Variants in CFAP210 observed in about 807,000 individuals in gnomAD.
The protein encoded by CFAP210 is cilia and flagella associated protein 210.
At chr2:169,688,114 C>G in the CFAP210 span, among the ~76,000 whole-genome samples, 1 of 152,192 alleles carries the variant, frequency 6.6e-6, no homozygotes, top group Non-Finnish European at 1.5e-5. Flanking sequence ...GCACAGGGAC[C>G]CTGGTCCTGG....
At chr2:169,694,135 A>G in the CFAP210 span, 7 of 865,926 alleles carry the variant, frequency 8.1e-6, no homozygotes, top group Middle Eastern at 2.2e-4. Context: ...CTTATTGAGG[A>G]TGCTTTCGAC....
At chr2:169,666,720 G>A in the CFAP210 span, among the ~76,000 whole-genome samples, 3 of 151,996 alleles carry the variant, frequency 2.0e-5, no homozygotes, top group South Asian at 2.1e-4. Flanking sequence ...TAATGCTGTT[G>A]GATGGCATTT....
the CFAP210 span, among the ~76,000 whole-genome samples, chr2:169,686,381 CA>C: frequency 6.6e-6 from 1 of 152,002 alleles, no homozygotes; most frequent in African/African-American, 2.4e-5. Flanking sequence ...ATGTGTAGAT[CA>C]ATTTGGGAAG....
At chr2:169,689,792 G>T in the CFAP210 span, among the ~76,000 whole-genome samples, 7 of 152,144 alleles carry the variant, frequency 4.6e-5, no homozygotes, top group South Asian at 1.2e-3. Context: ...CCAGTTTGTT[G>T]TTTTTATCAT....
At chr2:169,690,856 C>A in the CFAP210 span, among the ~76,000 whole-genome samples, 1 of 152,204 alleles carries the variant, frequency 6.6e-6, no homozygotes, top group Admixed American at 6.5e-5. Context: ...ACAGTTTGAT[C>A]ATGATGTGTA....
chr2:169,674,704 C>A, the CFAP210 span: 37 of 1,608,360 alleles, frequency 2.3e-5, no homozygotes, highest in East Asian at 8.3e-4. Context: ...CTGATTTTAT[C>A]TTACTCTTTC....
the CFAP210 span, chr2:169,658,056 T>G: frequency 6.6e-6 from 1 of 152,182 alleles, no homozygotes; most frequent in African/African-American, 2.4e-5. Context: ...CAAAGGTGTA[T>G]TATAGCAAGA....
chr2:169,681,382 T>TG, the CFAP210 span: 6 of 701,170 alleles, frequency 8.6e-6, no homozygotes, highest in Non-Finnish European at 1.5e-5. Context: ...TATGATTAAG[T>TG]GAAAAAAAAA....
At chr2:169,676,827 G>C in the CFAP210 span, among the ~76,000 whole-genome samples, 1 of 152,172 alleles carries the variant, frequency 6.6e-6, no homozygotes, top group East Asian at 1.9e-4. Flanking sequence ...TCTCCAGACT[G>C]AGTTTATGCC....
At chr2:169,682,498 A>G in the CFAP210 span, among the ~76,000 whole-genome samples, 1 of 152,064 alleles carries the variant, frequency 6.6e-6, no homozygotes, top group African/African-American at 2.4e-5. Context: ...ACACACACAC[A>G]CACACAAACT....
At chr2:169,654,183 G>A in the CFAP210 span, 14 of 1,592,350 alleles carry the variant, frequency 8.8e-6, no homozygotes, top group Admixed American at 1.8e-5. Flanking sequence ...CTGTTCTACA[G>A]CTTTGATAAT....
At chr2:169,646,326 A>G in the CFAP210 span, 1 of 633,470 alleles carries the variant, frequency 1.6e-6, no homozygotes, top group East Asian at 2.7e-5. Flanking sequence ...ATATACTATC[A>G]TTTATTTCAG....
the CFAP210 span, among the ~76,000 whole-genome samples, chr2:169,683,309 AAAG>A: frequency 6.6e-5 from 10 of 152,224 alleles, no homozygotes; most frequent in East Asian, 1.9e-4. Context: ...GTTACGATAA[AAAG>A]AAGAATACTG....
At chr2:169,683,356 G>T in the CFAP210 span, among the ~76,000 whole-genome samples, 1 of 152,220 alleles carries the variant, frequency 6.6e-6, no homozygotes, top group Admixed American at 6.5e-5. Flanking sequence ...GGTGTAACTT[G>T]ATTCAGAACA....
chr2:169,680,672 C>T, the CFAP210 span, among the ~76,000 whole-genome samples: 27 of 152,166 alleles, frequency 1.8e-4, no homozygotes, highest in African/African-American at 5.5e-4. Flanking sequence ...GGAAGCAGAT[C>T]GGTGGTTACC....
the CFAP210 span, among the ~76,000 whole-genome samples, chr2:169,685,026 G>C: frequency 2.0e-5 from 3 of 152,308 alleles, no homozygotes; most frequent in South Asian, 4.1e-4. Context: ...CCATTCATCA[G>C]TTGATGGATA....
chr2:169,669,635 T>C, the CFAP210 span, among the ~76,000 whole-genome samples: 1 of 151,634 alleles, frequency 6.6e-6, no homozygotes, highest in Non-Finnish European at 1.5e-5. Context: ...TAAAGGAAAA[T>C]GAGGAATCAA....
At chr2:169,660,818 T>A in the CFAP210 span, 1 of 251,754 alleles carries the variant, frequency 4.0e-6, no homozygotes, top group Non-Finnish European at 7.8e-6. Context: ...GCCAGGCTGG[T>A]CTCGAACTCC....
the CFAP210 span, among the ~76,000 whole-genome samples, chr2:169,665,052 G>T: frequency 6.6e-6 from 1 of 152,176 alleles, no homozygotes; most frequent in African/African-American, 2.4e-5. Context: ...GGTCTTGATT[G>T]CTTTGGACAA....
Sources: gnomAD v4.1 joint callset for allele counts (sites outside exome capture counted in the v4.1 genomes callset) on GRCh38, gnomAD v4.1.1 for gene constraint, MANE v1.5 for transcripts, NCBI Gene and HGNC (gene_info 2026-07-23, HGNC 2026-07-21) for gene names.